KIF25: variants seen among roughly 807,000 people sequenced by gnomAD.
KIF25 encodes kinesin-like protein KIF25.
KIF25 carries 19 observed loss-of-function variants against 32.9 expected under a neutral mutation model. That is an observed-to-expected ratio of 0.58 (90% confidence interval 0.40 to 0.85). The LOEUF is 0.85. Ranked by LOEUF, KIF25 falls within the 40% of genes least tolerant of loss-of-function variation. The pLI is 0.00. For missense variants in KIF25, 485 were observed against 507.0 expected, an observed-to-expected ratio of 0.96 and a Z score of 0.42; for synonymous variants, 225 against 213.7, an observed-to-expected ratio of 1.05 and a Z score of -0.46.
chr6:168,021,295 A>G (rs1394544176), intron 5 of KIF25, among the ~76,000 whole-genome samples: 1 of 152,176 alleles, frequency 6.6e-6, no homozygotes, highest in African/African-American at 2.4e-5. Context: ...GGAGAAACCC[A>G]TTTTCTATAA....
intron 4 of KIF25, among the ~76,000 whole-genome samples, chr6:168,008,613 T>A (rs1295349457): frequency 6.6e-6 from 1 of 152,180 alleles, no homozygotes; most frequent in Non-Finnish European, 1.5e-5. Flanking sequence ...GTGAAAAATG[T>A]CATTGGTATT....
chr6:168,043,674 G>A (rs974026020), intron 12 of KIF25, among the ~76,000 whole-genome samples: 3 of 152,202 alleles, frequency 2.0e-5, no homozygotes, highest in African/African-American at 7.2e-5. Context: ...GAGACAGGGC[G>A]ACCTGGGTCA....
chr6:168,019,987 C>G (rs1312903858), intron 5 of KIF25, among the ~76,000 whole-genome samples: 3 of 152,134 alleles, frequency 2.0e-5, no homozygotes, highest in African/African-American at 4.8e-5. Flanking sequence ...CAAAAATTAG[C>G]TGGGTATGGT....
chr6:168,041,085 G>A (rs1799112121), intron 10 of KIF25, among the ~76,000 whole-genome samples: 1 of 152,182 alleles, frequency 6.6e-6, no homozygotes. Flanking sequence ...GAGAGCCACG[G>A]GTCTGGGGCC....
At chr6:168,038,487 A>G (rs541423845) in intron 8 of KIF25, 66 bp from the exon 9 acceptor site, 1 of 1,547,640 alleles carries the variant, frequency 6.5e-7, no homozygotes, top group African/African-American at 1.4e-5. Context: ...TGGGGCTATG[A>G]TTGGCTTACA....
intron 4 of KIF25, among the ~76,000 whole-genome samples, chr6:168,016,770 G>A (rs941955636): frequency 3.3e-5 from 5 of 152,202 alleles, no homozygotes; most frequent in African/African-American, 9.7e-5. Flanking sequence ...TGGACTGGAG[G>A]CAGAGGCCAG....
intron 5 of KIF25, among the ~76,000 whole-genome samples, chr6:168,022,599 T>C (rs1037341273): frequency 1.3e-5 from 2 of 152,188 alleles, no homozygotes; most frequent in African/African-American, 4.8e-5. Flanking sequence ...AACATTGTTT[T>C]CTTAAGTCTC....
intron 9 of KIF25, 38 bp from the exon 10 acceptor site, chr6:168,040,027 G>A (rs376851853): frequency 2.5e-4 from 393 of 1,580,048 alleles, no homozygotes; most frequent in East Asian, 4.3e-4. Flanking sequence ...AAGGGGGGCC[G>A]CCCTCACTGT....
intron 8 of KIF25, among the ~76,000 whole-genome samples, chr6:168,034,834 G>T (rs1798993434): frequency 6.6e-6 from 1 of 152,060 alleles, no homozygotes; most frequent in South Asian, 2.1e-4. Context: ...CACCAACATA[G>T]TTAGTTCTAG....
At chr6:168,019,968 CCAAAAATA>C (rs959923926) in intron 5 of KIF25, among the ~76,000 whole-genome samples, 21 of 152,110 alleles carry the variant, frequency 1.4e-4, no homozygotes, top group Non-Finnish European at 2.9e-4. Flanking sequence ...CCTGTCTCTA[CCAAAAATA>C]CAAAAATTAG....
chr6:168,034,746 C>T (rs1798992076), intron 8 of KIF25, among the ~76,000 whole-genome samples: 1 of 152,216 alleles, frequency 6.6e-6, no homozygotes, highest in African/African-American at 2.4e-5. Context: ...TTCAGGGGTC[C>T]AGCCAACATG....
At chr6:168,007,893 T>A (rs1798599492) in intron 4 of KIF25, among the ~76,000 whole-genome samples, 1 of 152,206 alleles carries the variant, frequency 6.6e-6, no homozygotes, top group Non-Finnish European at 1.5e-5. Flanking sequence ...TAAAGAAGCA[T>A]CTATTGGTCT....
chr6:168,004,712 T>G (rs2114866744), intron 4 of KIF25, among the ~76,000 whole-genome samples: 1 of 152,270 alleles, frequency 6.6e-6, no homozygotes, highest in East Asian at 1.9e-4. Flanking sequence ...CTCTAAGCAC[T>G]TTCTCCTGAG....
chr6:168,040,253 T>C (rs747729741), intron 10 of KIF25, 37 bp downstream of exon 10: 2 of 1,579,988 alleles, frequency 1.3e-6, no homozygotes, highest in Non-Finnish European at 1.7e-6. Context: ...TGGCAAGTAA[T>C]AGAAAAACCC....
intron 8 of KIF25, chr6:168,036,155 G>T: frequency 5.5e-6 from 1 of 181,246 alleles, no homozygotes; most frequent in East Asian, 1.4e-4. Context: ...GGATTCCTTG[G>T]CTCTGCACGC....
chr6:168,034,148 T>C (rs1029987279), intron 8 of KIF25, 117 bp downstream of exon 8: 27 of 1,029,486 alleles, frequency 2.6e-5, no homozygotes, highest in Non-Finnish European at 3.6e-5. Flanking sequence ...TCAAACCCCA[T>C]AATCTCATCA....
chr6:168,006,523 C>T (rs1191085721), intron 4 of KIF25, among the ~76,000 whole-genome samples: 2 of 152,154 alleles, frequency 1.3e-5, no homozygotes, highest in Non-Finnish European at 2.9e-5. Context: ...GGCGATTGCA[C>T]CTGAGGACGT....
chr6:168,036,683 A>C (rs531054371), intron 8 of KIF25, among the ~76,000 whole-genome samples: 6 of 152,254 alleles, frequency 3.9e-5, no homozygotes, highest in Admixed American at 6.5e-5. Flanking sequence ...AAACTGACAC[A>C]TAAATGATGG....
chr6:168,013,948 G>C (rs1798681844), intron 4 of KIF25, among the ~76,000 whole-genome samples: 1 of 152,054 alleles, frequency 6.6e-6, no homozygotes, highest in African/African-American at 2.4e-5. Context: ...AGAGGGAGCT[G>C]AGCACCAGCT....
Sources: gnomAD v4.1 joint callset for allele counts (sites outside exome capture counted in the v4.1 genomes callset) on GRCh38, gnomAD v4.1.1 for gene constraint, MANE v1.5 for transcripts, NCBI Gene and HGNC (gene_info 2026-07-23, HGNC 2026-07-21) for gene names.